Variants in GBF1 observed in about 807,000 individuals in gnomAD.
GBF1 encodes the protein Golgi-specific brefeldin A-resistance guanine nucleotide exchange factor 1.
GBF1 carries 114 observed loss-of-function variants against 210.5 expected under a neutral mutation model. The observed-to-expected ratio is 0.54, with a 90% CI of 0.47 to 0.63. GBF1 has a LOEUF of 0.63. GBF1 is among the 30% of genes least tolerant of loss of function. The pLI, the probability that GBF1 is intolerant of heterozygous loss-of-function variation, is 0.00. For synonymous variants in GBF1, 850 were observed against 889.2 expected (o/e 0.96, Z 0.78); for missense variants, 1,851 against 2,357.7 (o/e 0.79, Z 4.45).
rs777518753 is a variant in GBF1, at chr10:102,358,547, G to C, written c.829G>C (p.Ala277Pro). The C allele has an allele frequency of 2.4e-5, 38 of 1,613,974 alleles. No homozygotes were observed. The highest frequency in any genetic ancestry group is 3.1e-5 in the Non-Finnish European group (36 of 1,179,942). The change falls in exon 10 of 40, where the codon GCA (alanine) becomes CCA (proline). Residue 277 changes from alanine to proline, a missense_variant. Coordinates refer to ENST00000369983, the MANE Select transcript of GBF1 (RefSeq NM_001377137.1). ...FIDVPTPISS[A>P]SSEAASAVVS... ...TGATGTGCCCACTCCCATCTCCTCT[G>C]CAAGTTCAGAAGCTGCCTCAGCAGT...
At chr10:102,311,434 G>A (rs1301308109) in intron 3 of GBF1, among the ~76,000 whole-genome samples, 1 of 152,208 alleles carries the variant, frequency 6.6e-6, no homozygotes, top group Non-Finnish European at 1.5e-5. Context: ...GGAAATATAG[G>A]TGAAGAGAGA....
the GBF1 span, chr10:102,232,217 T>G: frequency 3.0e-6 from 2 of 656,334 alleles, no homozygotes; most frequent in Non-Finnish European, 5.6e-6. Context: ...AAGCTGGGGC[T>G]GCGTGGGGCT....
intron 4 of GBF1, among the ~76,000 whole-genome samples, chr10:102,345,571 C>T (rs537856717): frequency 7.1e-5 from 10 of 140,842 alleles, no homozygotes; most frequent in African/African-American, 2.1e-4. Flanking sequence ...CACTTGAACC[C>T]GGGAGGCGGA....
rs767031530 is a variant in GBF1, at chr10:102,375,487, C to A, written c.3789C>A (p.Asp1263Glu). ...TNAANIHSGD[D>E]WATLFTLLEC... is the part of the protein sequence containing the mutation. The stretch of plus-strand genomic sequence containing the variant: ...CAGCCAACATCCACTCAGGTGATGA[C>A]TGGGCCACACTCTTCACACTGCTGG... Residue 1263 changes from aspartate (D) to glutamate (E), a missense_variant, in exon 30 of 40, where the codon GAC becomes GAA. Transcript: ENST00000369983. 58 of 1,613,058 alleles carry A rather than the reference C, an allele frequency of 3.6e-5. No individual in the cohort carries two copies. The highest frequency in any genetic ancestry group is 4.8e-5 in the Non-Finnish European group (57 of 1,179,138).
At chr10:102,374,347 C>CA (rs55750901) in intron 29 of GBF1, among the ~76,000 whole-genome samples, 48,731 of 144,772 alleles carry the variant, frequency 0.34, 8,443 homozygotes, top group South Asian at 0.49. Flanking sequence ...GACTCCATCT[C>CA]AAAAAAAAAA....
chr10:102,245,460 C>A (rs560276276), upstream of GBF1: 1 of 152,332 alleles, frequency 6.6e-6, no homozygotes, highest in South Asian at 2.1e-4. Flanking sequence ...CTACTTTTCA[C>A]GGTGCAAAGC....
At chr10:102,344,754 A>G (rs2058424839) in intron 4 of GBF1, among the ~76,000 whole-genome samples, 1 of 152,110 alleles carries the variant, frequency 6.6e-6, no homozygotes, top group Admixed American at 6.6e-5. Context: ...TGCTGGGATT[A>G]CAGGTGTGAG....
At chr10:102,371,662 T>C (rs949819005) in intron 29 of GBF1, among the ~76,000 whole-genome samples, 1 of 152,168 alleles carries the variant, frequency 6.6e-6, no homozygotes, top group East Asian at 1.9e-4. Context: ...GTTGCTGTGG[T>C]TCATGCCTGT....
At chr10:102,336,299 C>CAAAAA (rs566414701) in intron 3 of GBF1, among the ~76,000 whole-genome samples, 2 of 49,012 alleles carry the variant, frequency 4.1e-5, no homozygotes, top group Non-Finnish European at 8.7e-5. Context: ...GACTTTGTCT[C>CAAAAA]AAAAAAAAAA....
chr10:102,233,847 T>A, the GBF1 span, among the ~76,000 whole-genome samples: 3 of 152,170 alleles, frequency 2.0e-5, no homozygotes, highest in African/African-American at 7.2e-5. Flanking sequence ...TAGCCTCACA[T>A]TGCCCAGGAG....
intron 3 of GBF1, among the ~76,000 whole-genome samples, chr10:102,326,328 C>G (rs1035322580): frequency 2.6e-5 from 4 of 152,154 alleles, no homozygotes; most frequent in African/African-American, 9.7e-5. Context: ...ATATTATAAG[C>G]TACCACCTGA....
intron 3 of GBF1, among the ~76,000 whole-genome samples, chr10:102,295,912 G>A (rs573706975): frequency 6.6e-6 from 1 of 151,850 alleles, no homozygotes; most frequent in East Asian, 1.9e-4. Flanking sequence ...TATTTGTTTG[G>A]CATATTCTGT....
At chr10:102,324,713 A>C (rs1156387762) in intron 3 of GBF1, among the ~76,000 whole-genome samples, 1 of 151,852 alleles carries the variant, frequency 6.6e-6, no homozygotes, top group Non-Finnish European at 1.5e-5. Context: ...CAGCCTTCTG[A>C]GTAGCTGGGA....
chr10:102,345,615 C>A (rs1015323623), intron 4 of GBF1, among the ~76,000 whole-genome samples: 1 of 138,868 alleles, frequency 7.2e-6, no homozygotes, highest in Non-Finnish European at 1.5e-5. Flanking sequence ...CCATTGCACT[C>A]CAGCCTGGGT....
intron 3 of GBF1, among the ~76,000 whole-genome samples, chr10:102,308,930 A>T (rs2078173839): frequency 1.3e-5 from 2 of 152,094 alleles, no homozygotes; most frequent in South Asian, 4.1e-4. Flanking sequence ...CTACTTCATG[A>T]TGCCATTTAT....
At chr10:102,291,854 G>A (rs2076461739) in intron 3 of GBF1, among the ~76,000 whole-genome samples, 2 of 150,516 alleles carry the variant, frequency 1.3e-5, no homozygotes, top group South Asian at 4.2e-4. Flanking sequence ...TTCTAACTGG[G>A]CTTTCTGCAG....
Position 102,350,250 on chromosome 10 carries a change from T to C in GBF1, c.296-1006T>C, listed in dbSNP as rs115719914. Reference sequence around the variant, plus strand: ...TGTAATCCCAGCTACTCGGGAAGCCTCAGGCAGGAGAATCGCTTGAACCTA... The same window carrying C: ...TGTAATCCCAGCTACTCGGGAAGCCCCAGGCAGGAGAATCGCTTGAACCTA... On this transcript the variant is annotated intron_variant, in intron 4 of 39. Transcript: ENST00000369983. Among the ~76,000 whole-genome samples the C allele has an allele frequency of 7.9e-3, 1,191 of 151,572 alleles. 17 individuals carry two copies. Among genetic ancestry groups the C allele is most frequent in the African/African-American group, 0.027 (1,121 of 41,280 alleles).
At chr10:102,288,548 A>G (rs1307057573) in intron 3 of GBF1, among the ~76,000 whole-genome samples, 17 of 150,910 alleles carry the variant, frequency 1.1e-4, no homozygotes, top group Non-Finnish European at 8.9e-5. Flanking sequence ...CGTCTCTACT[A>G]AAAATACAAA....
intron 3 of GBF1, among the ~76,000 whole-genome samples, chr10:102,272,714 A>C (rs1242079641): frequency 6.6e-6 from 1 of 152,196 alleles, no homozygotes; most frequent in Admixed American, 6.5e-5. Flanking sequence ...GGATAAACCA[A>C]TTTCTTCTAA....
Sources: allele counts gnomAD v4.1 joint callset (sites outside exome capture counted in the v4.1 genomes callset), GRCh38; gene constraint gnomAD v4.1.1; transcripts MANE v1.5; gene names NCBI Gene and HGNC (gene_info 2026-07-23, HGNC 2026-07-21).